LNX1: variants seen among roughly 807,000 people sequenced by gnomAD.
LNX1 encodes E3 ubiquitin-protein ligase LNX.
A neutral mutation model predicts 68.4 loss-of-function variants in LNX1; 54 were observed. That is an observed-to-expected ratio of 0.79 (90% CI 0.63 to 0.99). LNX1 has a LOEUF of 0.99. Ranked by LOEUF, LNX1 falls within the 50% of genes least tolerant of loss-of-function variation. The probability of loss-of-function intolerance (pLI) is 0.00; values close to 1 mark genes in which losing one functional copy is unlikely to be tolerated. For synonymous variants in LNX1, 336 were observed against 350.0 expected (o/e 0.96, Z 0.45); for missense variants, 906 against 926.4 (o/e 0.98, Z 0.29).
intron 1 of LNX1, among the ~76,000 whole-genome samples, chr4:53,643,993 A>C (rs1191300367): frequency 6.6e-6 from 1 of 152,170 alleles, no homozygotes; most frequent in African/African-American, 2.4e-5. Flanking sequence ...TTAGTCTACA[A>C]AATTATTTAC....
At chr4:53,618,720 C>T (rs1296173104), upstream of LNX1, among the ~76,000 whole-genome samples, 7 of 152,116 alleles carry the variant, frequency 4.6e-5, no homozygotes, top group African/African-American at 1.7e-4. Flanking sequence ...CCAGTAGCCA[C>T]ATTTGAAAAG....
rs957161597 is a variant in LNX1, at chr4:53,508,181, G to A, written c.427C>T (p.Arg143Cys). Residue 143 changes from arginine (R) to cysteine (C), a missense_variant, in exon 3 of 11, where the codon CGC becomes TGC. Coordinates refer to ENST00000263925, the MANE Select transcript of LNX1 (RefSeq NM_001126328.3). Reference protein sequence around the residue: ...HYGLTKDRKRRSQDGCPDGCA... With the variant: ...HYGLTKDRKRCSQDGCPDGCA... Reference sequence around the variant, plus strand: ...CCGTCTGGACAGCCATCTTGTGAGCGCCTCTTCCTATCTTTGGTCAGGCCG... The same window carrying A: ...CCGTCTGGACAGCCATCTTGTGAGCACCTCTTCCTATCTTTGGTCAGGCCG... 10 of 1,614,032 alleles carry A rather than the reference G, an allele frequency of 6.2e-6. No individual in the cohort carries two copies. Among genetic ancestry groups the A allele is most frequent in the South Asian group, 2.2e-5 (2 of 91,084 alleles).
intron 2 of LNX1, among the ~76,000 whole-genome samples, chr4:53,535,644 G>A (rs979943695): frequency 9.2e-5 from 14 of 152,214 alleles, no homozygotes; most frequent in Admixed American, 8.5e-4. Flanking sequence ...TGATACAGAT[G>A]TGAATAAGAT....
intron 2 of LNX1, among the ~76,000 whole-genome samples, chr4:53,536,368 G>T (rs1381233962): frequency 2.6e-5 from 4 of 152,060 alleles, no homozygotes; most frequent in Admixed American, 6.6e-5. Flanking sequence ...GCCACACACA[G>T]TCAAAGTCGT....
chr4:53,645,782 T>G (rs1734862687), intron 1 of LNX1, among the ~76,000 whole-genome samples: 1 of 152,188 alleles, frequency 6.6e-6, no homozygotes, highest in South Asian at 2.1e-4. Context: ...TCAGGCATGT[T>G]GGCATCTGTA....
chr4:53,601,117 A>G (rs1251567239), intron 2 of LNX1, among the ~76,000 whole-genome samples: 4 of 150,362 alleles, frequency 2.7e-5, no homozygotes, highest in African/African-American at 7.3e-5. Context: ...GGGGGAGGGA[A>G]GGAAAATATC....
intron 2 of LNX1, among the ~76,000 whole-genome samples, chr4:53,607,414 C>A (rs1194331504): frequency 2.0e-5 from 3 of 152,040 alleles, no homozygotes; most frequent in Admixed American, 1.3e-4. Context: ...GGGAGGGGAA[C>A]AATCTCTACA....
intron 1 of LNX1, among the ~76,000 whole-genome samples, chr4:53,579,439 C>T (rs1241730088): frequency 6.6e-6 from 1 of 152,142 alleles, no homozygotes; most frequent in Non-Finnish European, 1.5e-5. Flanking sequence ...AAACCCCCAT[C>T]TCTTTTTGGT....
At chr4:53,475,814 A>G (rs563590335) in intron 9 of LNX1, among the ~76,000 whole-genome samples, 13 of 152,340 alleles carry the variant, frequency 8.5e-5, no homozygotes, top group Non-Finnish European at 1.9e-4. Context: ...TAATTACGTC[A>G]CTGTAAGGCT....
intron 6 of LNX1, among the ~76,000 whole-genome samples, chr4:53,486,944 A>G (rs2109436872): frequency 6.6e-6 from 1 of 151,828 alleles, no homozygotes; most frequent in Non-Finnish European, 1.5e-5. Context: ...ATATGTACCC[A>G]TCTTTAAATA....
chr4:53,642,223 T>TAAAA (rs745476837), intron 1 of LNX1, among the ~76,000 whole-genome samples: 5 of 96,268 alleles, frequency 5.2e-5, no homozygotes, highest in East Asian at 2.9e-4. Flanking sequence ...AATCCTATCT[T>TAAAA]AAAAAAAAAA....
At chr4:53,462,004 G>T (rs888173700) in intron 9 of LNX1, among the ~76,000 whole-genome samples, 5 of 151,924 alleles carry the variant, frequency 3.3e-5, no homozygotes, top group African/African-American at 1.2e-4. Context: ...AAAATCCTTT[G>T]AATAATCTCA....
At chr4:53,643,413 G>A (rs1042205785) in intron 1 of LNX1, among the ~76,000 whole-genome samples, 1 of 152,084 alleles carries the variant, frequency 6.6e-6, no homozygotes, top group African/African-American at 2.4e-5. Flanking sequence ...GCCTTCCAAA[G>A]TGCTGGGATT....
In LNX1 at chr4:53,573,901, T is replaced by C; in HGVS notation, c.102A>G (p.Glu34=). 1.7e-5 allele frequency: 27 copies of C among 1,613,774 alleles called. No individual in the cohort carries two copies. The highest frequency in any genetic ancestry group is 2.3e-5 in the Non-Finnish European group (27 of 1,179,830). The change falls in exon 2 of 11, where the codon GAA becomes GAG. Residue 34 remains glutamate (E), a synonymous_variant. Transcript: ENST00000263925. ...EENHFYSYPE[E]VDDDLICHIC... is the part of the protein sequence containing the mutation. ...TGTGGCAGATGAGGTCATCATCCAC[T>C]TCCTCTGGATAGCTGTAGAAGTGGT...
chr4:53,608,520 T>A (rs933030249), intron 2 of LNX1, among the ~76,000 whole-genome samples: 1 of 152,086 alleles, frequency 6.6e-6, no homozygotes. Flanking sequence ...GGTGGGAAGG[T>A]AAATTAGTTC....
chr4:53,461,154 GT>G lies in LNX1; in HGVS notation c.2052-113del. 4 of 846,766 alleles carry G rather than the reference GT, an allele frequency of 4.7e-6. No homozygotes were observed. The South Asian group carries it at 7.9e-5, about 17-fold the overall frequency. 52.5% of individuals were successfully genotyped at this position (846,766 alleles called of 1,614,324 possible). On this transcript the variant is annotated intron_variant, in intron 10 of 10. Transcript: ENST00000263925. ...TGCTACATCTGACCATTTTAATTAT[GT>G]TAACTTCTAATTGAGATATTTCTTG...
At chr4:53,568,793 T>G (rs1425004939) in intron 2 of LNX1, among the ~76,000 whole-genome samples, 13 of 152,196 alleles carry the variant, frequency 8.5e-5, no homozygotes, top group African/African-American at 3.1e-4. Context: ...CTCCTTAAGC[T>G]GATAAGCGAC....
rs1560604281 is a variant in LNX1 at position 53,461,399 on chromosome 4, T to C, written c.2051+36A>G. 3 of 1,517,374 alleles carry C rather than the reference T, an allele frequency of 2.0e-6. No individual in the cohort carries two copies. The East Asian group carries it at 6.8e-5, about 34-fold the overall frequency. The allele number at this position is 1,517,374 out of a possible 1,614,324, so 94.0% of individuals were successfully genotyped here. On this transcript the variant is annotated intron_variant, in intron 10 of 10. Transcript: ENST00000263925. ...AGCTTTGGCATTTATGAAACAACAT[T>C]TAATACAAGTATTTTTGATTAGTCA...
intron 2 of LNX1, among the ~76,000 whole-genome samples, chr4:53,542,392 T>C (rs1290097964): frequency 6.6e-6 from 1 of 152,166 alleles, no homozygotes; most frequent in Non-Finnish European, 1.5e-5. Context: ...GGATTTTATA[T>C]TCACTGTTAG....
Sources: allele counts gnomAD v4.1 joint callset (sites outside exome capture counted in the v4.1 genomes callset), GRCh38; gene constraint gnomAD v4.1.1; transcripts MANE v1.5; gene names NCBI Gene and HGNC (gene_info 2026-07-23, HGNC 2026-07-21).